The following NRG1 variants were observed in gnomAD, a reference collection of about 807,000 sequenced individuals.
The protein encoded by NRG1 is pro-neuregulin-1, membrane-bound isoform.
NRG1 carries 18 observed loss-of-function variants against 63.8 expected under a neutral mutation model. That is an observed-to-expected ratio of 0.28 (90% CI 0.19 to 0.42). The LOEUF (loss-of-function observed/expected upper bound fraction) is 0.42. NRG1 is among the 10% of genes least tolerant of loss of function. The pLI is 1.00. For synonymous variants in NRG1, 302 were observed against 301.3 expected (o/e 1.00, Z -0.02); for missense variants, 762 against 814.7 (o/e 0.94, Z 0.79).
intron 1 of NRG1, among the ~76,000 whole-genome samples, chr8:31,661,521 C>T (rs1024103774): frequency 1.3e-5 from 2 of 152,180 alleles, no homozygotes; most frequent in African/African-American, 4.8e-5. Flanking sequence ...CTTTCATAAA[C>T]TCTGATGATT....
intron 1 of NRG1, among the ~76,000 whole-genome samples, chr8:32,239,277 TA>T (rs34909373): frequency 0.74 from 106,485 of 144,280 alleles, 39,808 homozygotes; most frequent in African/African-American, 0.88. Flanking sequence ...AGATGAGCTT[TA>T]AAAAAAAAAA....
chr8:31,997,441 G>A (rs1338972051), intron 1 of NRG1, among the ~76,000 whole-genome samples: 1 of 151,888 alleles, frequency 6.6e-6, no homozygotes, highest in Non-Finnish European at 1.5e-5. Context: ...GCTTTTGATG[G>A]TGAAATAGAA....
chr8:32,137,878 T>C (rs757820156), intron 1 of NRG1, among the ~76,000 whole-genome samples: 4 of 152,178 alleles, frequency 2.6e-5, no homozygotes, highest in African/African-American at 4.8e-5. Context: ...TAAGTGTATA[T>C]TGTATATGTA....
chr8:32,371,992 A>T (rs58001674), intron 1 of NRG1, among the ~76,000 whole-genome samples: 142 of 129,368 alleles, frequency 1.1e-3, no homozygotes, highest in South Asian at 1.5e-3. Flanking sequence ...CTTCTTCTTC[A>T]TTTTTTTTTT....
rs1310557711 is a variant in NRG1 at position 31,869,300 on chromosome 8, A to G, written c.37+229869A>G. Among the ~76,000 whole-genome samples the G allele has an allele frequency of 2.0e-5, 3 of 152,072 alleles. No homozygotes were observed. In the East Asian group the frequency reaches 5.8e-4, roughly 29 times the overall value. Reference sequence around the variant, plus strand: ...TTAGTCTCTGGAGAATGTTGTTCCTACTTAGACTCACTGCATAGATCTTAA... The same window carrying G: ...TTAGTCTCTGGAGAATGTTGTTCCTGCTTAGACTCACTGCATAGATCTTAA... On this transcript the variant is annotated intron_variant, in intron 1 of 10. Coordinates refer to the NRG1 transcript ENST00000519301.
intron 1 of NRG1, among the ~76,000 whole-genome samples, chr8:32,193,715 T>A (rs1341579165): frequency 6.6e-6 from 1 of 152,014 alleles, no homozygotes; most frequent in Non-Finnish European, 1.5e-5. Context: ...AGAACCTTAT[T>A]TGGAGGTAGT....
At chr8:32,352,969 G>GAGAGAGAC (rs1362523986) in intron 1 of NRG1, among the ~76,000 whole-genome samples, 1 of 149,776 alleles carries the variant, frequency 6.7e-6, no homozygotes, top group Admixed American at 6.7e-5. Flanking sequence ...TATACAGAGA[G>GAGAGAGAC]AGAGAGACAG....
chr8:32,048,228 A>G (rs1821328181), intron 1 of NRG1, among the ~76,000 whole-genome samples: 1 of 151,546 alleles, frequency 6.6e-6, no homozygotes. Context: ...ACGGAAGTGT[A>G]AAATATCTCT....
chr8:32,449,870 C>G (rs886858063), intron 1 of NRG1, among the ~76,000 whole-genome samples: 1 of 152,034 alleles, frequency 6.6e-6, no homozygotes, highest in Non-Finnish European at 1.5e-5. Flanking sequence ...GAAGAGGGAG[C>G]CAGTGCATCA....
At chr8:31,871,148 T>A (rs1829447028) in intron 1 of NRG1, among the ~76,000 whole-genome samples, 1 of 152,092 alleles carries the variant, frequency 6.6e-6, no homozygotes, top group African/African-American at 2.4e-5. Flanking sequence ...AGCCAATTTT[T>A]GTGTTTTTAG....
intron 1 of NRG1, among the ~76,000 whole-genome samples, chr8:32,270,923 C>T (rs1851475038): frequency 6.6e-6 from 1 of 152,054 alleles, no homozygotes; most frequent in African/African-American, 2.4e-5. Context: ...ATATTCTAAT[C>T]CTCACCAATG....
chr8:32,762,038 CAAA>C (rs11407724), intron 11 of NRG1, among the ~76,000 whole-genome samples: 5 of 81,474 alleles, frequency 6.1e-5, no homozygotes, highest in Non-Finnish European at 6.3e-5. Flanking sequence ...GACTCCGCCT[CAAA>C]AAAAAAAAAA....
intron 1 of NRG1, among the ~76,000 whole-genome samples, chr8:31,922,071 T>A (rs1339279970): frequency 6.6e-6 from 1 of 152,228 alleles, no homozygotes; most frequent in Non-Finnish European, 1.5e-5. Context: ...GCCCTGGAAT[T>A]TCAGTGCTGA....
At chr8:32,010,352 G>A (rs1814543695) in intron 1 of NRG1, among the ~76,000 whole-genome samples, 1 of 151,902 alleles carries the variant, frequency 6.6e-6, no homozygotes, top group Admixed American at 6.6e-5. Context: ...AGGTGATCCT[G>A]GTAGATTAGA....
chr8:31,931,210 G>A (rs16878477), intron 1 of NRG1, among the ~76,000 whole-genome samples: 2,231 of 152,108 alleles, frequency 0.015, 45 homozygotes, highest in African/African-American at 0.051. Flanking sequence ...CGAAACCTTA[G>A]GTCAAAGTGA....
chr8:32,585,165 A>G (rs1326183806), intron 1 of NRG1, among the ~76,000 whole-genome samples: 1 of 152,112 alleles, frequency 6.6e-6, no homozygotes, highest in Non-Finnish European at 1.5e-5. Context: ...TCTGTTTAAC[A>G]TTTTGGAAGT....
At chr8:32,710,839 A>G (rs1564002552) in intron 5 of NRG1, among the ~76,000 whole-genome samples, 1 of 152,232 alleles carries the variant, frequency 6.6e-6, no homozygotes, top group Non-Finnish European at 1.5e-5. Context: ...AACTAGACAG[A>G]TAAACTGAAA....
chr8:32,126,078 A>G (rs775139994), intron 1 of NRG1, among the ~76,000 whole-genome samples: 2 of 151,906 alleles, frequency 1.3e-5, no homozygotes, highest in African/African-American at 4.8e-5. Flanking sequence ...GGGGCCATGC[A>G]GTATTCATCT....
At chr8:32,131,393 C>G (rs189883671) in intron 1 of NRG1, among the ~76,000 whole-genome samples, 1 of 151,962 alleles carries the variant, frequency 6.6e-6, no homozygotes, top group African/African-American at 2.4e-5. Context: ...ACTTTACCTT[C>G]TTTAAACTGC....
Sources: gnomAD v4.1 joint callset for allele counts (sites outside exome capture counted in the v4.1 genomes callset) on GRCh38, gnomAD v4.1.1 for gene constraint, MANE v1.5 for transcripts, NCBI Gene and HGNC (gene_info 2026-07-23, HGNC 2026-07-21) for gene names.